Variants in GOLM1 observed in about 807,000 individuals in gnomAD.
GOLM1 encodes the protein epididymis luminal protein 46.
A neutral mutation model predicts 50.5 loss-of-function variants in GOLM1; 31 were observed. The observed-to-expected ratio is 0.61, with a 90% CI of 0.46 to 0.83. The LOEUF (loss-of-function observed/expected upper bound fraction) is 0.83. Among genes scored for constraint, GOLM1 ranks in the 40% least tolerant of loss-of-function variants. The pLI is 0.00. For missense variants in GOLM1, 491 were observed against 501.3 expected (o/e 0.98, Z 0.20); for synonymous variants, 178 against 192.8 (o/e 0.92, Z 0.64).
chr9:86,031,358 A>T (rs1398698975), intron 9 of GOLM1, among the ~76,000 whole-genome samples: 2 of 151,572 alleles, frequency 1.3e-5, no homozygotes, highest in Non-Finnish European at 2.9e-5. Flanking sequence ...CTCAGAGAAG[A>T]TGGGGAAGTA....
chr9:86,052,739 C>A, intron 3 of GOLM1, 148 bp from the exon 4 acceptor site: 1 of 587,146 alleles, frequency 1.7e-6, no homozygotes, highest in Non-Finnish European at 3.1e-6. Context: ...GCTGGGCCCT[C>A]CCATGTCTGC....
chr9:86,052,158 T>C (rs1050510990), intron 4 of GOLM1, among the ~76,000 whole-genome samples: 2 of 152,122 alleles, frequency 1.3e-5, no homozygotes, highest in African/African-American at 4.8e-5. Context: ...GGGAATTAAA[T>C]TGGGCTGGAC....
intron 1 of GOLM1, chr9:86,079,814 C>CTGAGG (rs1361556865): frequency 6.6e-6 from 1 of 152,426 alleles, no homozygotes; most frequent in African/African-American, 2.4e-5. Context: ...CCTCATTACT[C>CTGAGG]CTCAGAGAGA....
At chr9:86,057,486 G>A (rs780343984) in intron 3 of GOLM1, among the ~76,000 whole-genome samples, 3 of 152,016 alleles carry the variant, frequency 2.0e-5, no homozygotes, top group Non-Finnish European at 2.9e-5. Context: ...AGTGCCTCCC[G>A]GCTCCCACCT....
At chr9:86,047,482 C>T (rs1286310852) in intron 4 of GOLM1, among the ~76,000 whole-genome samples, 1 of 152,032 alleles carries the variant, frequency 6.6e-6, no homozygotes, top group Non-Finnish European at 1.5e-5. Context: ...CCTCAAGAGA[C>T]AAAGCTGTGG....
At chr9:86,031,555 G>A (rs930763958) in intron 9 of GOLM1, among the ~76,000 whole-genome samples, 1 of 136,972 alleles carries the variant, frequency 7.3e-6, no homozygotes, top group Admixed American at 8.2e-5. Flanking sequence ...TCTGCCTCCC[G>A]AGTTCACGCG....
intron 3 of GOLM1, among the ~76,000 whole-genome samples, chr9:86,075,744 A>C (rs1402753673): frequency 6.6e-6 from 1 of 152,192 alleles, no homozygotes; most frequent in African/African-American, 2.4e-5. Context: ...GTGGAAACAG[A>C]TTCTCTTTTC....
At chr9:86,097,782 T>A (rs1330804691) in intron 1 of GOLM1, among the ~76,000 whole-genome samples, 1 of 152,144 alleles carries the variant, frequency 6.6e-6, no homozygotes. Flanking sequence ...GGGTAGCAGT[T>A]CCCTCCTTCC....
chr9:86,056,645 A>C (rs1477978608), intron 3 of GOLM1, among the ~76,000 whole-genome samples: 1 of 151,790 alleles, frequency 6.6e-6, no homozygotes, highest in African/African-American at 2.4e-5. Flanking sequence ...AGCTGGGACT[A>C]CAGGCGCCCG....
At chr9:86,087,775 C>T (rs1027211147) in intron 1 of GOLM1, among the ~76,000 whole-genome samples, 2 of 152,156 alleles carry the variant, frequency 1.3e-5, no homozygotes, top group African/African-American at 4.8e-5. Flanking sequence ...AGCCTTGCAT[C>T]CCAGGGATGA....
At chr9:86,059,082 C>A (rs72746694) in intron 3 of GOLM1, among the ~76,000 whole-genome samples, 1 of 151,976 alleles carries the variant, frequency 6.6e-6, no homozygotes, top group East Asian at 1.9e-4. Flanking sequence ...CTAGAACCCC[C>A]CCCCAATACA....
chr9:86,073,223 A>G (rs1041899567), intron 3 of GOLM1, among the ~76,000 whole-genome samples: 3 of 147,332 alleles, frequency 2.0e-5, no homozygotes, highest in Non-Finnish European at 4.5e-5. Context: ...GGAAGTTTAG[A>G]AAAAAAAAAA....
intron 1 of GOLM1, chr9:86,079,642 A>C (rs1834729483): frequency 1.6e-5 from 4 of 257,978 alleles, no homozygotes; most frequent in Non-Finnish European, 2.2e-5. Flanking sequence ...TTCCTCTTAC[A>C]CTTCAGATTC....
intron 3 of GOLM1, 121 bp downstream of exon 3, chr9:86,077,291 C>T (rs1834646623): frequency 7.5e-6 from 6 of 796,232 alleles, no homozygotes; most frequent in Non-Finnish European, 1.3e-5. Context: ...TCAATAGGCT[C>T]TTTCCACATA....
intron 3 of GOLM1, among the ~76,000 whole-genome samples, chr9:86,053,621 A>AC (rs1833876065): frequency 3.8e-4 from 1 of 2,606 alleles, no homozygotes; most frequent in South Asian, 0.011. Context: ...ACACCACACC[A>AC]AACATCACTA....
At chr9:86,065,878 A>G (rs987210228) in intron 3 of GOLM1, among the ~76,000 whole-genome samples, 2 of 152,058 alleles carry the variant, frequency 1.3e-5, no homozygotes, top group African/African-American at 4.8e-5. Context: ...CATCTCTACT[A>G]AAAATACAAA....
intron 1 of GOLM1, among the ~76,000 whole-genome samples, chr9:86,088,835 T>C (rs953407228): frequency 1.1e-4 from 16 of 152,168 alleles, no homozygotes; most frequent in South Asian, 4.1e-4. Flanking sequence ...GTCCATTAGT[T>C]GATGCAGTTT....
In GOLM1 at chr9:86,092,989, C is replaced by G. The variant is rs116811707; in HGVS notation, c.-22+6422G>C. On this transcript the variant is annotated intron_variant, in intron 1 of 9. Coordinates refer to ENST00000388712, the MANE Select transcript of GOLM1 (RefSeq NM_016548.4). ...TGTCTCATACTTGGTTATAAGCTTC[C>G]AACATACTGAAAATGATTAACTTAA... Among the ~76,000 whole-genome samples the G allele has an allele frequency of 6.3e-3, 966 of 152,268 alleles. 9 individuals are homozygous for G. The highest frequency in any genetic ancestry group is 0.022 in the African/African-American group (925 of 41,552).
At chr9:86,070,549 C>T (rs1053215994) in intron 3 of GOLM1, among the ~76,000 whole-genome samples, 2 of 150,540 alleles carry the variant, frequency 1.3e-5, no homozygotes, top group Non-Finnish European at 3.0e-5. Flanking sequence ...CCAGCCTGGG[C>T]GACAGAGCGA....
Sources: gnomAD v4.1 joint callset for allele counts (sites outside exome capture counted in the v4.1 genomes callset) on GRCh38, gnomAD v4.1.1 for gene constraint, MANE v1.5 for transcripts, NCBI Gene and HGNC (gene_info 2026-07-23, HGNC 2026-07-21) for gene names.